BRSK2: variants seen among roughly 807,000 people sequenced by gnomAD.
BRSK2 encodes the protein BR serine/threonine kinase 2.
BRSK2 carries 19 observed loss-of-function variants against 83.3 expected under a neutral mutation model. The observed-to-expected ratio is 0.23, with a 90% CI of 0.16 to 0.33. The LOEUF is 0.33. Among genes scored for constraint, BRSK2 ranks in the 10% least tolerant of loss-of-function variants. The probability of loss-of-function intolerance (pLI) is 1.00; values close to 1 mark genes in which losing one functional copy is unlikely to be tolerated. For synonymous variants in BRSK2, 519 were observed against 435.4 expected, an observed-to-expected ratio of 1.19 and a Z score of -2.39; for missense variants, 798 against 1,042.3, an observed-to-expected ratio of 0.77 and a Z score of 3.23.
Position 1,454,620 on chromosome 11 carries a change from G to A in BRSK2, c.1668+12G>A. The stretch of plus-strand genomic sequence containing the variant: ...ACGCCTTCCTGTCGGTGAGGCCACA[G>A]GGCGCTGGGGGAGGCGGGCAGCCCT... On this transcript the variant is annotated intron_variant, in intron 16 of 19. Coordinates refer to ENST00000528841, the MANE Select transcript of BRSK2 (RefSeq NM_001256627.2). This position sits in a 1 kb window ranked among gnomAD's most constrained non-coding sequence, Gnocchi z 5.2. The A allele has an allele frequency of 4.3e-6, 7 of 1,612,214 alleles. No individual in the cohort carries two copies. Among genetic ancestry groups the A allele is most frequent in the Non-Finnish European group, 5.9e-6 (7 of 1,179,738 alleles).
chr11:1,411,015 G>A (rs2134113376), intron 1 of BRSK2: 2 of 1,010,682 alleles, frequency 2.0e-6, no homozygotes, highest in African/African-American at 1.7e-5. Flanking sequence ...GAACAGCCGT[G>A]CGTCTGCCTT....
chr11:1,411,478 C>G, intron 1 of BRSK2: 1 of 1,482,112 alleles, frequency 6.7e-7, no homozygotes. Context: ...TCCCTCTGCT[C>G]CCCAAGAGAG....
chr11:1,459,067 T>G, intron 18 of BRSK2, 125 bp from the exon 19 acceptor site: 4 of 391,108 alleles, frequency 1.0e-5, no homozygotes, highest in East Asian at 1.4e-4. Context: ...TCCCCACCCA[T>G]GCCTCTGGGG....
chr11:1,415,965 A>G (rs376828490), intron 1 of BRSK2, among the ~76,000 whole-genome samples: 8 of 152,348 alleles, frequency 5.3e-5, no homozygotes, highest in African/African-American at 1.4e-4. Flanking sequence ...CAGACTGGGA[A>G]AAGTTGAGAG....
intron 19 of BRSK2, 33 bp from the exon 20 acceptor site, chr11:1,460,461 CTTTTTT>C (rs398015179): frequency 5.7e-5 from 31 of 544,376 alleles, no homozygotes; most frequent in Admixed American, 9.8e-5. Flanking sequence ...TTCTTTTTTC[CTTTTTT>C]TTTTTTTTTT....
chr11:1,394,817 A>C (rs1235802738), intron 1 of BRSK2, among the ~76,000 whole-genome samples: 1 of 64,106 alleles, frequency 1.6e-5, no homozygotes, highest in African/African-American at 6.4e-5. Flanking sequence ...GAGATGGGCC[A>C]TGGAGATGGG....
chr11:1,438,359 G>A lies in BRSK2; in HGVS notation c.240G>A (p.Lys80=), dbSNP rs756695276. The change falls in exon 3 of 20, where the codon AAG becomes AAA. Residue 80 remains lysine (K), a synonymous_variant. Transcript: ENST00000528841. This position sits in a 1 kb window ranked among gnomAD's most constrained non-coding sequence, Gnocchi z 6.4. ...TCATTGAGCACCCCCACGTCCTAAA[G>A]CTGCACGACGTTTATGAAAACAAAA... ...LKLIEHPHVL[K]LHDVYENKKY... is the part of the protein sequence containing the mutation. 5.0e-6 allele frequency: 8 copies of A among 1,614,004 alleles called. No homozygotes were observed. The highest frequency in any genetic ancestry group is 6.8e-6 in the Non-Finnish European group (8 of 1,179,984).
chr11:1,400,402 C>T (rs1846397292), intron 1 of BRSK2, among the ~76,000 whole-genome samples: 1 of 152,204 alleles, frequency 6.6e-6, no homozygotes, highest in South Asian at 2.1e-4. Flanking sequence ...TGGCGGTGGC[C>T]TCCTCTTCCA....
Position 1,443,584 on chromosome 11 carries a change from C to T in BRSK2, c.729C>T (p.Cys243=), listed in dbSNP as rs762842174. 7 of 1,610,400 alleles carry T rather than the reference C, an allele frequency of 4.3e-6. No homozygotes were observed. Among genetic ancestry groups the T allele is most frequent in the Non-Finnish European group, 5.9e-6 (7 of 1,178,820 alleles). ...TGCCGCACTTTATCCCGCCCGACTG[C>T]CAGAGTCTGCTACGGGGCATGATCG... The part of the protein sequence containing the change: ...FHMPHFIPPD[C]QSLLRGMIEV... The change falls in exon 8 of 20, where the codon TGC becomes TGT. Residue 243 remains cysteine, a synonymous_variant. Coordinates refer to ENST00000528841, the MANE Select transcript of BRSK2 (RefSeq NM_001256627.2).
intron 1 of BRSK2, among the ~76,000 whole-genome samples, chr11:1,394,999 C>T (rs191983389): frequency 2.7e-5 from 4 of 149,416 alleles, no homozygotes; most frequent in Admixed American, 2.0e-4. Context: ...TGGAGATGGG[C>T]CCCTGGAGAT....
chr11:1,411,580 A>G (rs1056929149), intron 1 of BRSK2: 10 of 1,583,492 alleles, frequency 6.3e-6, no homozygotes, highest in Non-Finnish European at 6.0e-6. Context: ...CTCCAGCCGC[A>G]CCTCCACCTT....
chr11:1,450,868 G>A (rs1398437968), intron 14 of BRSK2, 74 bp downstream of exon 14: 1 of 1,407,314 alleles, frequency 7.1e-7, no homozygotes, highest in South Asian at 1.4e-5. Flanking sequence ...GCCCCGCCCG[G>A]CAGTGCCAGA....
chr11:1,399,041 C>T (rs1347493504), intron 1 of BRSK2, among the ~76,000 whole-genome samples: 3 of 152,168 alleles, frequency 2.0e-5, no homozygotes, highest in Non-Finnish European at 2.9e-5. Context: ...AGGGGGGCTG[C>T]GGAATGACTC....
intron 15 of BRSK2, among the ~76,000 whole-genome samples, chr11:1,453,292 G>A (rs1590669964): frequency 6.6e-6 from 1 of 152,238 alleles, no homozygotes; most frequent in African/African-American, 2.4e-5. Context: ...GGGCCGTCAG[G>A]CATCTTTCAC....
intron 18 of BRSK2, among the ~76,000 whole-genome samples, chr11:1,458,761 A>G (rs1846992049): frequency 6.6e-6 from 1 of 152,176 alleles, no homozygotes; most frequent in South Asian, 2.1e-4. Flanking sequence ...GGGCCGAGGA[A>G]GAGGGTGCCT....
chr11:1,451,295 C>T (rs376572582), intron 14 of BRSK2, 76 bp from the exon 15 acceptor site: 11 of 1,552,868 alleles, frequency 7.1e-6, no homozygotes, highest in African/African-American at 1.4e-5. Context: ...ACCCTGACCT[C>T]GGCGCAAGGT....
intron 1 of BRSK2, among the ~76,000 whole-genome samples, chr11:1,428,341 C>G (rs867667822): frequency 2.0e-5 from 3 of 152,220 alleles, no homozygotes; most frequent in Non-Finnish European, 2.9e-5. Flanking sequence ...CAGGCCCACC[C>G]CCAGTGGCTC....
intron 1 of BRSK2, among the ~76,000 whole-genome samples, chr11:1,418,946 G>A (rs1412782129): frequency 6.6e-6 from 1 of 152,228 alleles, no homozygotes; most frequent in Non-Finnish European, 1.5e-5. Flanking sequence ...AGTGCCATAA[G>A]TGCCTGTCAC....
chr11:1,422,608 A>G (rs1848743490), intron 1 of BRSK2, among the ~76,000 whole-genome samples: 2 of 152,120 alleles, frequency 1.3e-5, no homozygotes, highest in African/African-American at 4.8e-5. Flanking sequence ...AGGTGTGGCC[A>G]GGGCAGGGCC....
Sources: gnomAD v4.1 joint callset for allele counts (sites outside exome capture counted in the v4.1 genomes callset) on GRCh38, gnomAD v4.1.1 for gene constraint, Gnocchi (gnomAD v3.1) non-coding constraint, MANE v1.5 for transcripts, NCBI Gene and HGNC (gene_info 2026-07-23, HGNC 2026-07-21) for gene names.